LRFN2: variants seen among roughly 807,000 people sequenced by gnomAD.
The protein encoded by LRFN2 is leucine rich repeat and fibronectin type III domain containing 2, also known as leucine-rich repeat and fibronectin type-III domain-containing protein 2.
A neutral mutation model predicts 37.3 loss-of-function variants in LRFN2; 18 were observed. The observed-to-expected ratio is 0.48, with a 90% confidence interval of 0.33 to 0.72. The LOEUF is 0.72. Ranked by LOEUF, LRFN2 falls within the 30% of genes least tolerant of loss-of-function variation. The pLI is 0.02. For missense variants in LRFN2, 1,006 were observed against 1,060.7 expected (o/e 0.95, Z 0.72); for synonymous variants, 556 against 466.6 (o/e 1.19, Z -2.47).
At chr6:40,553,281 C>T (rs1766811914) in intron 1 of LRFN2, among the ~76,000 whole-genome samples, 1 of 152,186 alleles carries the variant, frequency 6.6e-6, no homozygotes, top group Non-Finnish European at 1.5e-5. Flanking sequence ...ACTTATTAAA[C>T]AAAGCAATAA....
chr6:40,420,865 G>T (rs1763212970), intron 2 of LRFN2, among the ~76,000 whole-genome samples: 1 of 152,226 alleles, frequency 6.6e-6, no homozygotes, highest in Admixed American at 6.5e-5. Context: ...GGAAACTGTG[G>T]TAAGGAAGTG....
intron 1 of LRFN2, among the ~76,000 whole-genome samples, chr6:40,444,701 GT>G (rs997886363): frequency 1.5e-4 from 23 of 152,222 alleles, no homozygotes; most frequent in African/African-American, 5.3e-4. Context: ...ATTAAGCTGG[GT>G]GGGGGTCATC....
At chr6:40,496,380 C>G (rs1765226961) in intron 1 of LRFN2, among the ~76,000 whole-genome samples, 1 of 152,150 alleles carries the variant, frequency 6.6e-6, no homozygotes, top group Non-Finnish European at 1.5e-5. Flanking sequence ...TTCAGTGGTT[C>G]CCGCTGCACC....
chr6:40,471,587 C>G (rs1227342247), intron 1 of LRFN2, among the ~76,000 whole-genome samples: 1 of 152,158 alleles, frequency 6.6e-6, no homozygotes, highest in African/African-American at 2.4e-5. Flanking sequence ...TGGCTCACTG[C>G]AGCCACCCCC....
At chr6:40,448,624 G>A (rs1764028831) in intron 1 of LRFN2, among the ~76,000 whole-genome samples, 1 of 152,180 alleles carries the variant, frequency 6.6e-6, no homozygotes, top group Admixed American at 6.5e-5. Flanking sequence ...ATTCTACACT[G>A]CCTTTACCAA....
chr6:40,527,566 A>G (rs1047854629), intron 1 of LRFN2, among the ~76,000 whole-genome samples: 1 of 152,232 alleles, frequency 6.6e-6, no homozygotes, highest in Admixed American at 6.5e-5. Context: ...ACTGTAGATG[A>G]TATGTCAGCC....
intron 1 of LRFN2, among the ~76,000 whole-genome samples, chr6:40,522,741 A>T (rs1174265286): frequency 6.6e-6 from 1 of 152,204 alleles, no homozygotes; most frequent in Non-Finnish European, 1.5e-5. Context: ...CAGTTTGAAA[A>T]GCACTAGCTT....
intron 2 of LRFN2, among the ~76,000 whole-genome samples, chr6:40,412,910 C>T (rs1302996754): frequency 6.6e-6 from 1 of 152,152 alleles, no homozygotes; most frequent in Admixed American, 6.5e-5. Context: ...TGGGACAGCT[C>T]AGCTTTAAGT....
At chr6:40,403,888 C>T (rs1340516597) in intron 2 of LRFN2, among the ~76,000 whole-genome samples, 1 of 152,214 alleles carries the variant, frequency 6.6e-6, no homozygotes, top group East Asian at 1.9e-4. Flanking sequence ...ATCTGCCCCT[C>T]ACCTCTTGGG....
chr6:40,524,680 G>A (rs1328219356), intron 1 of LRFN2, among the ~76,000 whole-genome samples: 2 of 152,176 alleles, frequency 1.3e-5, no homozygotes, highest in Non-Finnish European at 2.9e-5. Context: ...GTCTTTAAAG[G>A]AACTTGGGGG....
intron 1 of LRFN2, among the ~76,000 whole-genome samples, chr6:40,577,465 G>A (rs988626500): frequency 6.6e-5 from 10 of 151,990 alleles, no homozygotes; most frequent in African/African-American, 2.2e-4. Context: ...GATCCAGGAG[G>A]GTACATGTGC....
chr6:40,426,494 A>G (rs936377511), intron 2 of LRFN2, among the ~76,000 whole-genome samples: 1 of 152,248 alleles, frequency 6.6e-6, no homozygotes, highest in African/African-American at 2.4e-5. Context: ...ATGAGCATGC[A>G]TGAATATCAC....
intron 1 of LRFN2, among the ~76,000 whole-genome samples, chr6:40,489,102 C>T (rs1387592684): frequency 6.6e-6 from 1 of 152,156 alleles, no homozygotes; most frequent in African/African-American, 2.4e-5. Flanking sequence ...ATACCATAGG[C>T]ACACATACAC....
chr6:40,571,841 A>G (rs1244115224), intron 1 of LRFN2, among the ~76,000 whole-genome samples: 2 of 152,160 alleles, frequency 1.3e-5, no homozygotes, highest in Non-Finnish European at 2.9e-5. Context: ...GTGGCCATGC[A>G]AGTGTCCAGA....
chr6:40,397,749 G>A (rs1762645051), intron 2 of LRFN2, among the ~76,000 whole-genome samples: 1 of 152,196 alleles, frequency 6.6e-6, no homozygotes, highest in Admixed American at 6.5e-5. Flanking sequence ...GGTATCACAA[G>A]GGAATGTGCA....
At chr6:40,566,488 T>G (rs1417173277) in intron 1 of LRFN2, among the ~76,000 whole-genome samples, 1 of 152,126 alleles carries the variant, frequency 6.6e-6, no homozygotes, top group Admixed American at 6.5e-5. Context: ...CCAACCCAAA[T>G]GTCCAACAAT....
chr6:40,555,235 G>A (rs561791942), intron 1 of LRFN2, among the ~76,000 whole-genome samples: 7 of 152,314 alleles, frequency 4.6e-5, no homozygotes, highest in South Asian at 2.1e-4. Flanking sequence ...CTGCCCCTCC[G>A]GGAAGAAGCC....
chr6:40,462,349 G>T (rs532550380), intron 1 of LRFN2, among the ~76,000 whole-genome samples: 158 of 152,234 alleles, frequency 1.0e-3, no homozygotes, highest in African/African-American at 3.6e-3. Context: ...ATACTCTCTT[G>T]CAGGATTCCA....
intron 1 of LRFN2, among the ~76,000 whole-genome samples, chr6:40,448,400 G>A (rs564478828): frequency 6.6e-6 from 1 of 152,254 alleles, no homozygotes; most frequent in Admixed American, 6.5e-5. Flanking sequence ...GGGCGAGCCT[G>A]AGGCCAAAAG....
Sources: gnomAD v4.1 joint callset for allele counts (sites outside exome capture counted in the v4.1 genomes callset) on GRCh38, gnomAD v4.1.1 for gene constraint, MANE v1.5 for transcripts, NCBI Gene and HGNC (gene_info 2026-07-23, HGNC 2026-07-21) for gene names.